The following RASAL1 variants were observed in gnomAD, a reference collection of about 807,000 sequenced individuals.
RASAL1 encodes rasGAP-activating-like protein 1.
Under a neutral mutation model 96.6 loss-of-function variants are expected in RASAL1, and 72 were observed. The observed-to-expected ratio is 0.75, with a 90% confidence interval of 0.62 to 0.91. The LOEUF (loss-of-function observed/expected upper bound fraction) is 0.91. Ranked by LOEUF, RASAL1 falls within the 40% of genes least tolerant of loss-of-function variation. The probability of loss-of-function intolerance (pLI) is 0.00; values close to 1 mark genes in which losing one functional copy is unlikely to be tolerated. For missense variants in RASAL1, 1,016 were observed against 1,072.5 expected (o/e 0.95, Z 0.74); for synonymous variants, 405 against 430.4 (o/e 0.94, Z 0.73).
rs759785196 is a variant in RASAL1, at chr12:113,117,081, C to T, written c.723G>A (p.Glu241=). 6.2e-7 allele frequency: 1 copy of T among 1,603,372 alleles called. No individual in the cohort carries two copies. ...TCTGCACCCACATTTACCCAGAATC[C>T]TCCTCGGCTCTGGGAAAGGGCAGGA... ...FRLLPFPRAE[E]DSGGNLGALR... The change falls in exon 8 of 21, where the codon GAG becomes GAA. Residue 241 remains glutamate (E), a synonymous_variant. Transcript: ENST00000548055.
intron 13 of RASAL1, among the ~76,000 whole-genome samples, chr12:113,111,866 C>T (rs761428268): frequency 4.6e-5 from 7 of 152,184 alleles, no homozygotes; most frequent in Non-Finnish European, 8.8e-5. Flanking sequence ...TCCCAAAGTG[C>T]TGGGATTACA....
chr12:113,124,418 T>A (rs1318825070), intron 4 of RASAL1, among the ~76,000 whole-genome samples: 1 of 152,172 alleles, frequency 6.6e-6, no homozygotes, highest in East Asian at 1.9e-4. Flanking sequence ...TGCAGACACA[T>A]GGACACGTTC....
intron 15 of RASAL1, among the ~76,000 whole-genome samples, chr12:113,106,737 C>A (rs944021013): frequency 6.6e-6 from 1 of 152,142 alleles, no homozygotes; most frequent in Non-Finnish European, 1.5e-5. Context: ...TGGTCCCCAA[C>A]AAAATAAAAG....
chr12:113,115,972 T>C lies in RASAL1; in HGVS notation c.811A>G (p.Met271Val), dbSNP rs564699295. 2.1e-5 allele frequency: 33 copies of C among 1,607,880 alleles called. No individual in the cohort carries two copies. In the South Asian group the frequency reaches 3.1e-4, roughly 15 times the overall value. The change falls in exon 9 of 21, where the codon ATG becomes GTG. Residue 271 changes from methionine to valine, a missense_variant. By Grantham distance (21) the Met-to-Val change is conservative. Transcript: ENST00000548055. This position sits in a 1 kb window ranked among gnomAD's most constrained non-coding sequence, Gnocchi z 4.1. ...VLPSQCYQPL[M>V]ELLMESVQGP... The stretch of plus-strand genomic sequence containing the variant: ...TGCACAGACTCCATGAGCAGCTCCA[T>C]GAGAGGCTGGTAGCACTGGGAGGGC...
chr12:113,128,859 C>T (rs763576847), intron 2 of RASAL1, among the ~76,000 whole-genome samples: 2 of 151,972 alleles, frequency 1.3e-5, no homozygotes, highest in African/African-American at 4.8e-5. Flanking sequence ...AGACATATGT[C>T]GGGAACACAG....
Position 113,116,004 on chromosome 12 carries a change from C to T in RASAL1, c.779G>A (p.Arg260His), listed in dbSNP as rs150792397. ...CTGGTAGCACTGGGAGGGCAGGACG[C>T]GGTCCTCAATCAGGCGTACCTTCAC... ...LRVKVRLIED[R>H]VLPSQCYQPL... Residue 260 changes from arginine (R) to histidine (H), a missense_variant, in exon 9 of 21, where the codon CGC becomes CAC. Coordinates refer to ENST00000548055, the MANE Select transcript of RASAL1 (RefSeq NM_001301202.2). The T allele has an allele frequency of 1.1e-4, 170 of 1,609,792 alleles. No individual in the cohort carries two copies. The highest frequency in any genetic ancestry group is 1.3e-4 in the Non-Finnish European group (150 of 1,177,640).
chr12:113,112,467 T>C (rs1245690469), intron 12 of RASAL1, among the ~76,000 whole-genome samples, 189 bp from the exon 13 acceptor site: 2 of 152,302 alleles, frequency 1.3e-5, no homozygotes, highest in Admixed American at 6.5e-5. Flanking sequence ...CTGCAGCCTT[T>C]GCACTGGCTT....
chr12:113,124,987 C>T (rs1951429075), intron 4 of RASAL1, among the ~76,000 whole-genome samples: 1 of 151,848 alleles, frequency 6.6e-6, no homozygotes, highest in African/African-American at 2.4e-5. Context: ...AATGGCCAGG[C>T]ATGGTGGCTC....
chr12:113,132,442 C>T lies in RASAL1; in HGVS notation c.66-1501G>A, dbSNP rs1001776470. Among the ~76,000 whole-genome samples the T allele has an allele frequency of 4.7e-4, 71 of 152,164 alleles. 2 individuals carry two copies. Among genetic ancestry groups the T allele is most frequent in the Admixed American group, 4.6e-4 (7 of 15,274 alleles). ...TCTGAATGACTGGGTTTATGGAGTG[C>T]TCTCTCTGGAGCACGGAGTAACAGT... On this transcript the variant is annotated intron_variant, in intron 1 of 20. Coordinates refer to ENST00000548055, the MANE Select transcript of RASAL1 (RefSeq NM_001301202.2).
chr12:113,108,032 T>A, intron 14 of RASAL1, 53 bp downstream of exon 14: 2 of 1,562,772 alleles, frequency 1.3e-6, no homozygotes, highest in Non-Finnish European at 1.7e-6. Flanking sequence ...GCTCCTACCA[T>A]GCTTTTTTCC....
At chr12:113,134,653 G>T (rs999181339) in intron 1 of RASAL1, among the ~76,000 whole-genome samples, 1 of 152,228 alleles carries the variant, frequency 6.6e-6, no homozygotes, top group Non-Finnish European at 1.5e-5. Context: ...GCAGGAGGGG[G>T]AACCCGCCCC....
At chr12:113,127,731 C>T (rs1315901943) in intron 4 of RASAL1, 81 bp downstream of exon 4, 6 of 1,197,714 alleles carry the variant, frequency 5.0e-6, no homozygotes, top group Non-Finnish European at 7.2e-6. Context: ...CTCTGTGCTT[C>T]ACCGTGCCAT....
intron 14 of RASAL1, chr12:113,107,443 T>A: frequency 1.5e-6 from 1 of 661,936 alleles, no homozygotes; most frequent in South Asian, 1.7e-5. Context: ...GCCAACATGG[T>A]GATACCTCAT....
chr12:113,124,414 C>T (rs778113422), intron 4 of RASAL1, among the ~76,000 whole-genome samples: 2 of 152,146 alleles, frequency 1.3e-5, no homozygotes, highest in Non-Finnish European at 2.9e-5. Flanking sequence ...TGCTTGCAGA[C>T]ACATGGACAC....
In RASAL1 at chr12:113,104,097, G is replaced by A. The variant is rs762399856; in HGVS notation, c.1969-16C>T. 1 of 1,577,912 alleles carries A rather than the reference G, an allele frequency of 6.3e-7. No homozygotes were observed. Among genetic ancestry groups the A allele is most frequent in the Non-Finnish European group, 8.7e-7 (1 of 1,155,750 alleles). On this transcript the variant is annotated splice_polypyrimidine_tract_variant and intron_variant, in intron 17 of 20. Transcript: ENST00000548055. ...CATTCACATTCTGCAGCGGGTGGGA[G>A]GCGATCAGGGGGCGGGTGGGAACAG...
intron 19 of RASAL1, 39 bp downstream of exon 19, chr12:113,101,850 G>A (rs1950458429): frequency 6.2e-7 from 1 of 1,602,936 alleles, no homozygotes. Flanking sequence ...TGGCCTGGCT[G>A]GTCATAGGAG....
At chr12:113,112,348 C>A (rs1249072307) in intron 12 of RASAL1, 70 bp from the exon 13 acceptor site, 2 of 1,173,544 alleles carry the variant, frequency 1.7e-6, no homozygotes, top group Non-Finnish European at 2.2e-6. Context: ...TCCACCGGCC[C>A]CGCTGAGCTC....
At position 113,099,984 on chromosome 12, in the gene RASAL1, T is replaced by C. The variant is rs753950290; in HGVS notation, c.2363A>G (p.Glu788Gly). The change falls in exon 21 of 21, where the codon GAG becomes GGG. Residue 788 changes from glutamate to glycine, a missense_variant. Transcript: ENST00000548055. ...CCCTCGCTCCTGCTGCTGGAACTCC[T>C]CGTGGGCACGATCCAGGTCTGCGAG... ...EVLADLDRAH[E>G]EFQQQERGKA... 6 of 1,613,852 alleles carry C rather than the reference T, an allele frequency of 3.7e-6. No homozygotes were observed. The highest frequency in any genetic ancestry group is 5.1e-6 in the Non-Finnish European group (6 of 1,179,836).
chr12:113,109,951 G>A (rs528779843), intron 13 of RASAL1, among the ~76,000 whole-genome samples: 9 of 152,354 alleles, frequency 5.9e-5, no homozygotes, highest in South Asian at 2.1e-4. Context: ...TGGGTTCCCC[G>A]GGCCGGAGGA....
Sources: gnomAD v4.1 joint callset for allele counts (sites outside exome capture counted in the v4.1 genomes callset) on GRCh38, gnomAD v4.1.1 for gene constraint, Gnocchi (gnomAD v3.1) non-coding constraint, MANE v1.5 for transcripts, NCBI Gene and HGNC (gene_info 2026-07-23, HGNC 2026-07-21) for gene names.